The following TLCD3A variants were observed in gnomAD, a reference collection of about 807,000 sequenced individuals.
TLCD3A encodes the protein TLC domain-containing protein 3A.
Under a neutral mutation model 29.9 loss-of-function variants are expected in TLCD3A, and 17 were observed. That is an observed-to-expected ratio of 0.57 (90% CI 0.39 to 0.85). The LOEUF (loss-of-function observed/expected upper bound fraction) is 0.85. Ranked by LOEUF, TLCD3A falls within the 40% of genes least tolerant of loss-of-function variation. The pLI, the probability that TLCD3A is intolerant of heterozygous loss-of-function variation, is 0.00. For synonymous variants in TLCD3A, 143 were observed against 147.7 expected (o/e 0.97, Z 0.23); for missense variants, 332 against 350.8 (o/e 0.95, Z 0.43).
At position 742,078 on chromosome 17, in the gene TLCD3A, G is replaced by C. The variant is rs551190989; in HGVS notation, c.*508G>C. ...GTAGGTAGTTATTGATCGTTTACTA[G>C]ATAACCCATTGGTTCTTTGCCTCAT... On this transcript the variant is annotated 3_prime_UTR_variant, in exon 5 of 5. Coordinates refer to ENST00000308278, the MANE Select transcript of TLCD3A (RefSeq NM_024792.3). The C allele has an allele frequency of 7.8e-4, 130 of 166,474 alleles. 1 individual carries two copies. The highest frequency in any genetic ancestry group is 1.4e-3 in the Non-Finnish European group (106 of 76,658). 10.3% of individuals were successfully genotyped at this position (166,474 alleles called of 1,614,324 possible). A position where few individuals can be genotyped will look rare whatever the true frequency, so the allele number is the denominator to read the frequency against.
At chr17:732,809 C>A in intron 1 of TLCD3A, 40 bp downstream of exon 1, 1 of 1,421,928 alleles carries the variant, frequency 7.0e-7, no homozygotes, top group African/African-American at 1.5e-5. Flanking sequence ...GCCCGGGGCG[C>A]TGCCCACCGC....
At chr17:736,256 C>T (rs1311398466) in intron 2 of TLCD3A, among the ~76,000 whole-genome samples, 3 of 152,146 alleles carry the variant, frequency 2.0e-5, no homozygotes, top group African/African-American at 7.2e-5. Context: ...GGGACTGGAG[C>T]GCTTAACAAG....
In TLCD3A at chr17:742,263, C is replaced by T. The variant is rs1320851904; in HGVS notation, c.*693C>T. The T allele has an allele frequency of 6.6e-6, 1 of 152,334 alleles. No homozygotes were observed. Among genetic ancestry groups the T allele is most frequent in the Non-Finnish European group, 1.5e-5 (1 of 68,172 alleles). 9.4% of individuals were successfully genotyped at this position (152,334 alleles called of 1,614,324 possible). On this transcript the variant is annotated 3_prime_UTR_variant, in exon 5 of 5. Coordinates refer to ENST00000308278, the MANE Select transcript of TLCD3A (RefSeq NM_024792.3). ...AGCACAACCTTTGCAGGCTGACTTG[C>T]TAAGTCTGACAGTGACAAACTTGTG...
At chr17:740,378 T>G in intron 3 of TLCD3A, 127 bp from the exon 4 acceptor site, 1 of 737,136 alleles carries the variant, frequency 1.4e-6, no homozygotes, top group Non-Finnish European at 2.4e-6. Context: ...GGTACAGTAG[T>G]CTGCGCTTGC....
intron 2 of TLCD3A, among the ~76,000 whole-genome samples, chr17:736,502 T>C (rs1974155510): frequency 6.6e-6 from 1 of 152,180 alleles, no homozygotes; most frequent in Admixed American, 6.5e-5. Flanking sequence ...AGGACGGTGA[T>C]CAACTATGAT....
chr17:741,248 C>T (rs1341856239), intron 4 of TLCD3A, 53 bp from the exon 5 acceptor site: 12 of 1,600,078 alleles, frequency 7.5e-6, no homozygotes, highest in Non-Finnish European at 1.0e-5. Context: ...CCGTCGCTCC[C>T]TGATGCCCAG....
At chr17:735,986 CAAAA>C (rs55943725) in intron 2 of TLCD3A, among the ~76,000 whole-genome samples, 5 of 107,272 alleles carry the variant, frequency 4.7e-5, no homozygotes, top group South Asian at 3.1e-4. Context: ...AAACCAAAAC[CAAAA>C]AAAAAAAAAA....
At position 733,189 on chromosome 17, in the gene TLCD3A, CCCGGG is replaced by C; in HGVS notation, c.206+14_206+18del. ...CGACGTGATCACCGGCAGGTAAGAG[CCCGGG>C]CCGGGGCCTTGTTGCAAATGTCACA... is the stretch of plus-strand genomic sequence containing the variant. On this transcript the variant is annotated intron_variant, in intron 2 of 4. Coordinates refer to ENST00000308278, the MANE Select transcript of TLCD3A (RefSeq NM_024792.3). 6.5e-7 allele frequency: 1 copy of C among 1,540,276 alleles called. No homozygotes were observed. The highest frequency in any genetic ancestry group is 2.6e-5 in the East Asian group (1 of 38,844).
At chr17:733,305 C>T in intron 2 of TLCD3A, 124 bp downstream of exon 2, 2 of 900,032 alleles carry the variant, frequency 2.2e-6, no homozygotes, top group Non-Finnish European at 3.3e-6. Flanking sequence ...CAATGGGCTC[C>T]TTCTTCCTCT....
At chr17:734,188 CTTCTTT>C (rs1036053651) in intron 2 of TLCD3A, among the ~76,000 whole-genome samples, 3 of 87,180 alleles carry the variant, frequency 3.4e-5, no homozygotes, top group African/African-American at 9.2e-5. Flanking sequence ...TCTTCTTCTT[CTTCTTT>C]TTTTTTTAAA....
intron 3 of TLCD3A, among the ~76,000 whole-genome samples, chr17:738,571 CAACAT>C (rs1416446263): frequency 6.6e-6 from 1 of 152,106 alleles, no homozygotes; most frequent in Admixed American, 6.5e-5. Context: ...ACATCAACAT[CAACAT>C]ACTTTTTCTT....
At chr17:741,008 T>C (rs1974245089) in intron 4 of TLCD3A, among the ~76,000 whole-genome samples, 2 of 152,250 alleles carry the variant, frequency 1.3e-5, no homozygotes, top group Admixed American at 1.3e-4. Flanking sequence ...GTTACACACA[T>C]ACTTTAATCC....
chr17:733,575 C>T (rs763050667), intron 2 of TLCD3A, among the ~76,000 whole-genome samples: 42 of 152,136 alleles, frequency 2.8e-4, no homozygotes, highest in Non-Finnish European at 4.7e-4. Flanking sequence ...AACCAACCCA[C>T]CACCCCCTTC....
In TLCD3A at chr17:737,851, G is replaced by A; in HGVS notation, c.212G>A (p.Trp71Ter). 6.2e-7 allele frequency: 1 copy of A among 1,614,018 alleles called. No individual in the cohort carries two copies. The change falls in exon 3 of 5, where the codon TGG becomes TAG. Residue 71 changes from tryptophan to a stop codon, truncating the protein, a stop_gained. Coordinates refer to ENST00000308278, the MANE Select transcript of TLCD3A (RefSeq NM_024792.3). LOFTEE classifies it high-confidence loss of function. ...SCDDVITGRH[W>*]LAREYVWFLI... is the part of the protein sequence containing the mutation. ...ATTCATATGCTTTCTTTCAGGCACTGGCTTGCCCGGGAATATGTGTGGTTT... is the reference window on the plus strand; with the variant it reads ...ATTCATATGCTTTCTTTCAGGCACTAGCTTGCCCGGGAATATGTGTGGTTT...
chr17:738,185 T>C, intron 3 of TLCD3A, 138 bp downstream of exon 3: 1 of 668,164 alleles, frequency 1.5e-6, no homozygotes. Context: ...AACCTCCGCC[T>C]CCCGGGTTCA....
chr17:740,511 C>T lies in TLCD3A; in HGVS notation c.415C>T (p.Arg139Trp), dbSNP rs144403190. The change falls in exon 4 of 5, where the codon CGG becomes TGG. Residue 139 changes from arginine (R) to tryptophan (W), a missense_variant. Physicochemically the swap from Arg to Trp is moderately radical, Grantham distance 101 (BLOSUM62 -3). Coordinates refer to ENST00000308278, the MANE Select transcript of TLCD3A (RefSeq NM_024792.3). ...TTCGTTTCGTCATCCGCAGAGGCTC[C>T]GGGGAGACCTTGGGGACTTCTTTGT... Reference protein sequence around the residue: ...FVLVPVAQRLRGDLGDFFVGC... With the variant: ...FVLVPVAQRLWGDLGDFFVGC... 1.3e-5 allele frequency: 21 copies of T among 1,613,810 alleles called. No homozygotes were observed. The highest frequency in any genetic ancestry group is 3.3e-5 in the Admixed American group (2 of 59,988).
At chr17:738,257 G>A (rs1352100094) in intron 3 of TLCD3A, among the ~76,000 whole-genome samples, 24 of 151,916 alleles carry the variant, frequency 1.6e-4, no homozygotes, top group African/African-American at 5.3e-4. Context: ...CACCACGCCC[G>A]GCTAATGTTT....
intron 2 of TLCD3A, among the ~76,000 whole-genome samples, chr17:734,555 C>A (rs1314865045): frequency 1.3e-5 from 2 of 151,994 alleles, no homozygotes; most frequent in African/African-American, 2.4e-5. Flanking sequence ...CTCCAACGAT[C>A]CTCCTGCCTG....
intron 2 of TLCD3A, among the ~76,000 whole-genome samples, chr17:737,630 G>C (rs1181865556): frequency 6.6e-6 from 1 of 152,098 alleles, no homozygotes; most frequent in East Asian, 1.9e-4. Flanking sequence ...GCTTCAACAG[G>C]CAGGGCTGAG....
Sources: gnomAD v4.1 joint callset for allele counts (sites outside exome capture counted in the v4.1 genomes callset) on GRCh38, gnomAD v4.1.1 for gene constraint, MANE v1.5 for transcripts, NCBI Gene and HGNC (gene_info 2026-07-23, HGNC 2026-07-21) for gene names.